HHLA1: variants seen among roughly 807,000 people sequenced by gnomAD.
The protein encoded by HHLA1 is HHLA1 neighbor of OC90.
A neutral mutation model predicts 69.9 loss-of-function variants in HHLA1; 72 were observed. The ratio of observed to expected loss-of-function variants is 1.03; its 90% CI spans 0.85 to 1.25. The LOEUF is 1.25. Ranked by LOEUF, HHLA1 falls within the 50% of genes most tolerant of loss-of-function variation. The pLI is 0.00. For missense variants in HHLA1, 685 were observed against 642.2 expected, an observed-to-expected ratio of 1.07 and a Z score of -0.72; for synonymous variants, 252 against 233.2, an observed-to-expected ratio of 1.08 and a Z score of -0.73.
At position 132,104,199 on chromosome 8, in the gene HHLA1, A is replaced by G. The variant is rs932967054; in HGVS notation, c.80-32T>C. 2.7e-6 allele frequency: 4 copies of G among 1,459,938 alleles called. No individual in the cohort carries two copies. The Admixed American group carries it at 7.9e-5, about 29-fold the overall frequency. 90.4% of individuals were successfully genotyped at this position (1,459,938 alleles called of 1,614,324 possible). A position where few individuals can be genotyped will look rare whatever the true frequency, so the allele number is the denominator to read the frequency against. On this transcript the variant is annotated intron_variant, in intron 2 of 16. Coordinates refer to ENST00000414222, the MANE Select transcript of HHLA1 (RefSeq NM_001145095.3). ...TAAAAAAGGTTTAATCACAGAAATTATAACCAAGACATAATACCGGAGATA... is the reference window on the plus strand; with the variant it reads ...TAAAAAAGGTTTAATCACAGAAATTGTAACCAAGACATAATACCGGAGATA...
rs922237555 is a variant in HHLA1 at position 132,076,200 on chromosome 8, T to C, written c.1241-71A>G. ...CTTAGGTGATACACACAGCAAGAAA[T>C]TTATAACATCTTAAAGGTAAATCAT... is the stretch of plus-strand genomic sequence containing the variant. On this transcript the variant is annotated intron_variant, in intron 13 of 16. Coordinates refer to ENST00000414222, the MANE Select transcript of HHLA1 (RefSeq NM_001145095.3). 23 of 1,055,170 alleles carry C rather than the reference T, an allele frequency of 2.2e-5. No individual in the cohort carries two copies. In the African/African-American group the frequency reaches 3.5e-4, roughly 16 times the overall value. The allele number at this position is 1,055,170 out of a possible 1,614,324, so 65.4% of individuals were successfully genotyped here. A position where few individuals can be genotyped will look rare whatever the true frequency, so the allele number is the denominator to read the frequency against.
chr8:132,076,593 T>A, intron 12 of HHLA1, 50 bp from the exon 13 acceptor site: 1 of 1,308,292 alleles, frequency 7.6e-7, no homozygotes, highest in East Asian at 2.8e-5. Context: ...TAGGGGGCCC[T>A]GAGGGAGAAG....
At chr8:132,104,612 A>G (rs1824173444) in intron 2 of HHLA1, among the ~76,000 whole-genome samples, 1 of 152,180 alleles carries the variant, frequency 6.6e-6, no homozygotes, top group Non-Finnish European at 1.5e-5. Flanking sequence ...GCACAAGCCC[A>G]GTGTCTGAGG....
At chr8:132,105,533 T>G (rs1824190194) in intron 1 of HHLA1, among the ~76,000 whole-genome samples, 2 of 152,200 alleles carry the variant, frequency 1.3e-5, no homozygotes, top group South Asian at 4.1e-4. Flanking sequence ...ACATAGTCAC[T>G]CAGGGACCCC....
At chr8:132,078,965 A>G (rs188295332) in intron 11 of HHLA1, among the ~76,000 whole-genome samples, 127 of 152,216 alleles carry the variant, frequency 8.3e-4, no homozygotes, top group Non-Finnish European at 1.4e-3. Flanking sequence ...CATGTGCACA[A>G]CTTGCAGGTT....
intron 7 of HHLA1, among the ~76,000 whole-genome samples, chr8:132,092,254 G>C (rs907638903): frequency 2.0e-5 from 3 of 152,296 alleles, no homozygotes; most frequent in Non-Finnish European, 4.4e-5. Context: ...TTAAAGCAAC[G>C]ACTATAATTT....
intron 10 of HHLA1, among the ~76,000 whole-genome samples, chr8:132,086,883 C>T (rs1403362270): frequency 6.6e-6 from 1 of 152,190 alleles, no homozygotes; most frequent in African/African-American, 2.4e-5. Context: ...CATTGCACTT[C>T]AAGAGAAAGT....
At chr8:132,101,709 G>A (rs1021125482) in intron 3 of HHLA1, among the ~76,000 whole-genome samples, 5 of 151,878 alleles carry the variant, frequency 3.3e-5, no homozygotes, top group Admixed American at 3.3e-4. Flanking sequence ...GAGTAGCTGG[G>A]ATTACAGGTG....
In HHLA1 at chr8:132,079,906, A is replaced by G; in HGVS notation, c.737T>C (p.Leu246Pro). 1.3e-6 allele frequency: 2 copies of G among 1,552,214 alleles called. No homozygotes were observed. Among genetic ancestry groups the G allele is most frequent in the East Asian group, 4.9e-5 (2 of 40,910 alleles). The change falls in exon 11 of 17, where the codon CTA (leucine) becomes CCA (proline). Residue 246 changes from leucine to proline, a missense_variant. By Grantham distance (98) the Leu-to-Pro change is moderately conservative. Coordinates refer to ENST00000414222, the MANE Select transcript of HHLA1 (RefSeq NM_001145095.3). ...SKPTTKSQKTLPSTSPGHWTQ... is the reference protein window; with the variant it reads ...SKPTTKSQKTPPSTSPGHWTQ... ...CCAGTGTCCGGGGCTTGTACTTGGT[A>G]GTGTTTTCTGGCTTTTGGTTGTGGG...
intron 14 of HHLA1, among the ~76,000 whole-genome samples, chr8:132,074,737 G>T (rs1055767836): frequency 1.3e-5 from 2 of 152,142 alleles, no homozygotes; most frequent in African/African-American, 4.8e-5. Context: ...TGGAAGTTAA[G>T]AAATAAAGAT....
chr8:132,067,118 A>G (rs1823454193), intron 15 of HHLA1, among the ~76,000 whole-genome samples: 1 of 152,198 alleles, frequency 6.6e-6, no homozygotes, highest in Non-Finnish European at 1.5e-5. Flanking sequence ...ACAGAGGGCA[A>G]TGGCCTTGGT....
intron 7 of HHLA1, among the ~76,000 whole-genome samples, chr8:132,093,869 G>T (rs1468531374): frequency 6.6e-6 from 1 of 152,126 alleles, no homozygotes. Context: ...ATTTGTTGAA[G>T]AGATTCACAG....
intron 13 of HHLA1, 77 bp from the exon 14 acceptor site, chr8:132,076,206 A>C: frequency 9.7e-7 from 1 of 1,035,430 alleles, no homozygotes; most frequent in Non-Finnish European, 1.4e-6. Context: ...GAAATTTATA[A>C]CATCTTAAAG....
chr8:132,107,975 T>A (rs1347045480), intron 1 of HHLA1, among the ~76,000 whole-genome samples: 1 of 152,158 alleles, frequency 6.6e-6, no homozygotes, highest in Non-Finnish European at 1.5e-5. Flanking sequence ...GAGCCTGGGT[T>A]TAAGGTCAGA....
At chr8:132,100,011 A>G (rs376562421) in intron 4 of HHLA1, 64 bp downstream of exon 4, 154 of 1,199,408 alleles carry the variant, frequency 1.3e-4, no homozygotes, top group Non-Finnish European at 1.8e-4. Flanking sequence ...ACAGAGGTCT[A>G]GAGAAGTGGA....
intron 15 of HHLA1, among the ~76,000 whole-genome samples, chr8:132,066,191 T>C (rs1823436341): frequency 1.3e-5 from 2 of 152,208 alleles, no homozygotes; most frequent in Admixed American, 1.3e-4. Context: ...TTTTTATCCC[T>C]AGCCCCACTG....
intron 14 of HHLA1, among the ~76,000 whole-genome samples, chr8:132,072,278 A>G (rs549831949): frequency 6.6e-6 from 1 of 152,318 alleles, no homozygotes; most frequent in African/African-American, 2.4e-5. Flanking sequence ...AAAGCTTCCT[A>G]TGGCTACACC....
At chr8:132,110,100 G>A (rs1362866063) in intron 1 of HHLA1, among the ~76,000 whole-genome samples, 1 of 152,210 alleles carries the variant, frequency 6.6e-6, no homozygotes, top group Non-Finnish European at 1.5e-5. Flanking sequence ...TCAGCTTGAT[G>A]AGCAAACCTG....
chr8:132,079,744 CT>C lies in HHLA1; in HGVS notation c.898del (p.Ser300ValfsTer20). The part of the protein sequence containing the change: ...LPARATATWF[S>X]ASHTLPALAT... ...CAAGGCTGGGAGAGTGTGGGAGGCA[CT>C]GAACCATGTGGCTGTGGCCCTGGCT... On this transcript the variant is annotated frameshift_variant, in exon 11 of 17. Coordinates refer to ENST00000414222, the MANE Select transcript of HHLA1 (RefSeq NM_001145095.3). LOFTEE classifies it high-confidence loss of function. 6.4e-7 allele frequency: 1 copy of C among 1,551,178 alleles called. No homozygotes were observed. Among genetic ancestry groups the C allele is most frequent in the East Asian group, 2.4e-5 (1 of 40,908 alleles).
Sources: allele counts gnomAD v4.1 joint callset (sites outside exome capture counted in the v4.1 genomes callset), GRCh38; gene constraint gnomAD v4.1.1; transcripts MANE v1.5; gene names NCBI Gene and HGNC (gene_info 2026-07-23, HGNC 2026-07-21).